Variants in CSMD1 observed in about 807,000 individuals in gnomAD.
The protein encoded by CSMD1 is CUB and Sushi multiple domains 1, also known as CUB and sushi domain-containing protein 1.
CSMD1 carries 213 observed loss-of-function variants against 417.5 expected under a neutral mutation model. The ratio of observed to expected loss-of-function variants is 0.51; its 90% CI spans 0.46 to 0.57. The LOEUF (loss-of-function observed/expected upper bound fraction) is 0.57. Ranked by LOEUF, CSMD1 falls within the 20% of genes least tolerant of loss-of-function variation. The pLI is 0.00. For synonymous variants in CSMD1, 2,862 were observed against 1,736.8 expected, an observed-to-expected ratio of 1.65 and a Z score of -16.11; for missense variants, 6,923 against 4,529.7, an observed-to-expected ratio of 1.53 and a Z score of -15.17.
chr8:4,158,538 A>T (rs1007205389), intron 3 of CSMD1, among the ~76,000 whole-genome samples: 3 of 152,180 alleles, frequency 2.0e-5, no homozygotes, highest in African/African-American at 7.2e-5. Flanking sequence ...ATATTAACAC[A>T]GCCGCTAGGT....
intron 2 of CSMD1, among the ~76,000 whole-genome samples, chr8:4,560,505 A>C (rs890837203): frequency 2.0e-5 from 3 of 152,132 alleles, no homozygotes; most frequent in African/African-American, 4.8e-5. Flanking sequence ...CTGACACCCA[A>C]ACTTTAACAT....
intron 1 of CSMD1, among the ~76,000 whole-genome samples, chr8:4,724,552 G>A (rs1468148948): frequency 6.6e-6 from 1 of 151,104 alleles, no homozygotes. Context: ...GTGTGTGTGT[G>A]TGTGTGTGTG....
chr8:4,258,970 G>A (rs1803679653), intron 3 of CSMD1, among the ~76,000 whole-genome samples: 1 of 152,154 alleles, frequency 6.6e-6, no homozygotes, highest in Admixed American at 6.5e-5. Flanking sequence ...GTGTATAAAT[G>A]TCTAACTAAG....
chr8:3,075,469 C>G (rs1375444360), intron 49 of CSMD1, among the ~76,000 whole-genome samples: 1 of 151,218 alleles, frequency 6.6e-6, no homozygotes, highest in Non-Finnish European at 1.5e-5. Flanking sequence ...TTAGTAGAGA[C>G]AGGGTTTTTC....
intron 26 of CSMD1, among the ~76,000 whole-genome samples, chr8:3,261,254 C>T (rs570893880): frequency 3.5e-4 from 54 of 152,244 alleles, no homozygotes; most frequent in African/African-American, 9.9e-4. Flanking sequence ...GAATCACGTA[C>T]GCGTTGCTGG....
chr8:3,386,153 T>C (rs141707057), intron 18 of CSMD1, among the ~76,000 whole-genome samples: 6 of 152,240 alleles, frequency 3.9e-5, no homozygotes, highest in Non-Finnish European at 8.8e-5. Context: ...TTATAACCAA[T>C]AGCAGGAAAA....
At chr8:2,943,780 G>C (rs1399307118) in intron 68 of CSMD1, among the ~76,000 whole-genome samples, 1 of 152,184 alleles carries the variant, frequency 6.6e-6, no homozygotes, top group African/African-American at 2.4e-5. Flanking sequence ...CTTAATGCAG[G>C]TGTGCAATGA....
At chr8:4,984,626 T>C (rs944794974) in intron 1 of CSMD1, among the ~76,000 whole-genome samples, 1 of 152,090 alleles carries the variant, frequency 6.6e-6, no homozygotes, top group Non-Finnish European at 1.5e-5. Context: ...TGACATAGAT[T>C]AGGGTAGTCA....
At chr8:4,417,460 C>A (rs1288361476) in intron 3 of CSMD1, among the ~76,000 whole-genome samples, 1 of 151,956 alleles carries the variant, frequency 6.6e-6, no homozygotes, top group Non-Finnish European at 1.5e-5. Flanking sequence ...CAATACATTT[C>A]AATTAAAATT....
At chr8:3,248,103 G>A (rs985562679) in intron 26 of CSMD1, among the ~76,000 whole-genome samples, 4 of 152,180 alleles carry the variant, frequency 2.6e-5, no homozygotes, top group African/African-American at 9.7e-5. Flanking sequence ...CGAGGCAGGA[G>A]GATGACTTGA....
chr8:2,988,299 T>C (rs1271154826), intron 54 of CSMD1, among the ~76,000 whole-genome samples: 1 of 152,154 alleles, frequency 6.6e-6, no homozygotes, highest in African/African-American at 2.4e-5. Flanking sequence ...CATAAGCATA[T>C]CTGGACACAT....
At chr8:4,816,564 A>C (rs1363881605) in intron 1 of CSMD1, among the ~76,000 whole-genome samples, 2 of 152,076 alleles carry the variant, frequency 1.3e-5, no homozygotes, top group East Asian at 3.9e-4. Context: ...TTCAACACAG[A>C]TTTTAATCAA....
intron 3 of CSMD1, among the ~76,000 whole-genome samples, chr8:4,080,563 A>C (rs1800078106): frequency 1.3e-5 from 2 of 152,188 alleles, no homozygotes; most frequent in South Asian, 4.1e-4. Context: ...AGAAGATAAA[A>C]CTGTATTGCA....
chr8:4,690,775 C>T (rs1303547684), intron 1 of CSMD1, among the ~76,000 whole-genome samples: 1 of 152,174 alleles, frequency 6.6e-6, no homozygotes, highest in Admixed American at 6.5e-5. Flanking sequence ...TGTCACCAGG[C>T]TGGAGTTCAC....
At chr8:3,331,030 C>T (rs1307156819) in intron 23 of CSMD1, among the ~76,000 whole-genome samples, 2 of 151,956 alleles carry the variant, frequency 1.3e-5, no homozygotes, top group East Asian at 3.9e-4. Flanking sequence ...GCGGGCGGAT[C>T]ACCAGGTCAG....
chr8:3,997,365 C>G (rs1815296314), intron 5 of CSMD1, among the ~76,000 whole-genome samples: 1 of 152,130 alleles, frequency 6.6e-6, no homozygotes, highest in Non-Finnish European at 1.5e-5. Flanking sequence ...ACTGACCACC[C>G]TGCGGTTAAT....
intron 46 of CSMD1, among the ~76,000 whole-genome samples, chr8:3,103,603 A>G (rs1363739218): frequency 6.6e-6 from 1 of 152,084 alleles, no homozygotes; most frequent in Non-Finnish European, 1.5e-5. Context: ...TTACAGGACC[A>G]CATTTATCTA....
chr8:3,776,608 G>C (rs1289232904), intron 5 of CSMD1, among the ~76,000 whole-genome samples: 1 of 152,022 alleles, frequency 6.6e-6, no homozygotes, highest in Non-Finnish European at 1.5e-5. Context: ...AAATCTCATT[G>C]ACATTGTAGA....
chr8:4,935,519 C>G (rs367580823), intron 1 of CSMD1, among the ~76,000 whole-genome samples: 87 of 152,274 alleles, frequency 5.7e-4, no homozygotes, highest in African/African-American at 1.9e-3. Flanking sequence ...CATGAATGAA[C>G]GAATGAATGA....
Sources: allele counts gnomAD v4.1 joint callset (sites outside exome capture counted in the v4.1 genomes callset), GRCh38; gene constraint gnomAD v4.1.1; transcripts MANE v1.5; gene names NCBI Gene and HGNC (gene_info 2026-07-23, HGNC 2026-07-21).